The following KCNH1 variants were observed in gnomAD, a reference collection of about 807,000 sequenced individuals.
KCNH1 encodes voltage-gated delayed rectifier potassium channel KCNH1.
KCNH1 carries 27 observed loss-of-function variants against 69.2 expected under a neutral mutation model. That is an observed-to-expected ratio of 0.39 (90% CI 0.29 to 0.54). KCNH1 has a LOEUF of 0.54. KCNH1 is among the 20% of genes least tolerant of loss of function. The probability of loss-of-function intolerance (pLI) is 0.68; values close to 1 mark genes in which losing one functional copy is unlikely to be tolerated. For synonymous variants in KCNH1, 456 were observed against 487.7 expected (o/e 0.93, Z 0.86); for missense variants, 798 against 1,261.6 (o/e 0.63, Z 5.57).
chr1:211,097,051 C>T (rs1055509144), intron 3 of KCNH1, among the ~76,000 whole-genome samples: 4 of 152,132 alleles, frequency 2.6e-5, no homozygotes, highest in African/African-American at 9.7e-5. Context: ...GTATCCTAAT[C>T]GAACTCACAT....
chr1:211,058,634 C>T (rs1275388883), intron 5 of KCNH1, among the ~76,000 whole-genome samples: 1 of 151,822 alleles, frequency 6.6e-6, no homozygotes, highest in African/African-American at 2.4e-5. Flanking sequence ...ATAAAACCCA[C>T]CACCTGAGAA....
chr1:211,115,854 G>T (rs1271169918), intron 1 of KCNH1, among the ~76,000 whole-genome samples: 1 of 151,844 alleles, frequency 6.6e-6, no homozygotes, highest in Non-Finnish European at 1.5e-5. Context: ...GGACATTTCA[G>T]CCAGGCATGG....
chr1:210,944,342 A>T (rs1014423181), intron 6 of KCNH1, among the ~76,000 whole-genome samples: 1 of 152,252 alleles, frequency 6.6e-6, no homozygotes, highest in African/African-American at 2.4e-5. Flanking sequence ...CTAGGACACA[A>T]TCCCATGTTT....
At chr1:211,006,048 C>A (rs1215197367) in intron 6 of KCNH1, among the ~76,000 whole-genome samples, 1 of 152,074 alleles carries the variant, frequency 6.6e-6, no homozygotes. Context: ...GAATGAGGAA[C>A]AACTAAAAAC....
rs892525061 is a variant in KCNH1 at position 210,760,411 on chromosome 1, C to G, written c.2112+14937G>C. On this transcript the variant is annotated intron_variant, in intron 10 of 10. Transcript: ENST00000271751. ...TTTTTGGCATTCTTGAAAAGATAAG[C>G]CAGCCAAGAATTTCATTTCCTTCCA... is the stretch of plus-strand genomic sequence containing the variant. 1.5e-4 allele frequency among the ~76,000 whole-genome samples: 23 copies of G among 152,204 alleles called. 1 individual carries two copies. The South Asian group carries it at 4.4e-3, about 29-fold the overall frequency.
At chr1:211,093,732 T>G (rs770107587) in intron 3 of KCNH1, among the ~76,000 whole-genome samples, 2 of 152,216 alleles carry the variant, frequency 1.3e-5, no homozygotes, top group Non-Finnish European at 2.9e-5. Flanking sequence ...GGAAATGACC[T>G]CCTTTTTCGT....
At chr1:211,061,839 A>G (rs11119674) in intron 5 of KCNH1, among the ~76,000 whole-genome samples, 56,178 of 151,994 alleles carry the variant, frequency 0.37, 10,934 homozygotes, top group South Asian at 0.45. Context: ...AAGGAAAAGT[A>G]TTCCATGCCC....
chr1:210,902,156 C>T (rs182361655), intron 7 of KCNH1, among the ~76,000 whole-genome samples: 2 of 152,172 alleles, frequency 1.3e-5, no homozygotes, highest in African/African-American at 4.8e-5. Flanking sequence ...CGCCCCTACC[C>T]GCAACCTTCC....
rs1042615907 is a variant in KCNH1, at chr1:211,130,555, T to C, written c.79+3312A>G. Among the ~76,000 whole-genome samples, 12 of 152,234 alleles carry C rather than the reference T, an allele frequency of 7.9e-5. 1 individual carries two copies. The highest frequency in any genetic ancestry group is 7.9e-4 in the Admixed American group (12 of 15,278). ...CATAAATACATTCAATAAATCTTTGTTGAATGAATAAACCAAAAACAACTG... is the reference window on the plus strand; with the variant it reads ...CATAAATACATTCAATAAATCTTTGCTGAATGAATAAACCAAAAACAACTG... On this transcript the variant is annotated intron_variant, in intron 1 of 10. Transcript: ENST00000271751.
intron 6 of KCNH1, among the ~76,000 whole-genome samples, chr1:210,936,445 T>G (rs1214098481): frequency 2.0e-5 from 3 of 152,158 alleles, no homozygotes; most frequent in Non-Finnish European, 4.4e-5. Flanking sequence ...GTAGAGACTT[T>G]TCAAGCTCCA....
intron 6 of KCNH1, among the ~76,000 whole-genome samples, chr1:211,013,861 C>T (rs1689444357): frequency 6.6e-6 from 1 of 152,190 alleles, no homozygotes; most frequent in African/African-American, 2.4e-5. Flanking sequence ...TTCTTCACTG[C>T]CATACAGAGT....
rs534487207 is a variant in KCNH1, at chr1:210,682,066, C to T, written c.*1215G>A. 1 of 152,330 alleles carries T rather than the reference C, an allele frequency of 6.6e-6. No individual in the cohort carries two copies. Among genetic ancestry groups the T allele is most frequent in the Non-Finnish European group, 1.5e-5 (1 of 68,044 alleles). 9.4% of individuals were successfully genotyped at this position (152,330 alleles called of 1,614,324 possible). ...GCTCCAAGGCCACTTCTCTCCATCA[C>T]CTTACAGAGAGCTGGAAACTCACTG... On this transcript the variant is annotated 3_prime_UTR_variant, in exon 11 of 11. Transcript: ENST00000271751.
In KCNH1 at chr1:210,804,047, C is replaced by T; in HGVS notation, c.1582G>A (p.Val528Met). The change falls in exon 8 of 11, where the codon GTG becomes ATG. Residue 528 changes from valine (V) to methionine (M), a missense_variant. Transcript: ENST00000271751. ...ACTCGCTCACTCAATCCTTTTGGCA[C>T]CTGGTAGAGCTTCAGGAAGTCCCGA... ...SVRDFLKLYQ[V>M]PKGLSERVMD... The T allele has an allele frequency of 6.2e-7, 1 of 1,614,170 alleles. No individual in the cohort carries two copies. The highest frequency in any genetic ancestry group is 8.5e-7 in the Non-Finnish European group (1 of 1,180,022).
chr1:210,903,414 T>C (rs981661704), intron 7 of KCNH1, among the ~76,000 whole-genome samples: 2 of 152,222 alleles, frequency 1.3e-5, no homozygotes, highest in African/African-American at 4.8e-5. Context: ...CTGGCAGGAC[T>C]TGGGAAGGGC....
chr1:210,918,134 A>G (rs1558525270), intron 7 of KCNH1, among the ~76,000 whole-genome samples: 2 of 152,162 alleles, frequency 1.3e-5, no homozygotes, highest in Non-Finnish European at 1.5e-5. Context: ...GACTGTTGCA[A>G]AAAAGGAGGT....
intron 7 of KCNH1, among the ~76,000 whole-genome samples, chr1:210,855,806 C>T (rs989899993): frequency 2.0e-5 from 3 of 152,142 alleles, no homozygotes; most frequent in Admixed American, 2.0e-4. Context: ...CCCACTTTTC[C>T]CCTTAGTACT....
intron 5 of KCNH1, among the ~76,000 whole-genome samples, chr1:211,072,925 C>T (rs930040083): frequency 2.0e-5 from 3 of 152,156 alleles, no homozygotes; most frequent in African/African-American, 7.2e-5. Flanking sequence ...ATACAAAAGA[C>T]ACAGACTGTC....
At chr1:210,953,945 T>C (rs532153920) in intron 6 of KCNH1, among the ~76,000 whole-genome samples, 15 of 152,312 alleles carry the variant, frequency 9.8e-5, no homozygotes, top group South Asian at 8.3e-4. Flanking sequence ...ATGTGTACAA[T>C]GTGCAGGTTT....
chr1:210,734,579 G>A (rs1682826973), intron 10 of KCNH1, among the ~76,000 whole-genome samples: 1 of 151,976 alleles, frequency 6.6e-6, no homozygotes, highest in Admixed American at 6.6e-5. Context: ...AAAACCTTTG[G>A]GGAAAACAGA....
Sources: gnomAD v4.1 joint callset for allele counts (sites outside exome capture counted in the v4.1 genomes callset) on GRCh38, gnomAD v4.1.1 for gene constraint, MANE v1.5 for transcripts, NCBI Gene and HGNC (gene_info 2026-07-23, HGNC 2026-07-21) for gene names.